Variants in DLC1 observed in about 807,000 individuals in gnomAD.
DLC1 encodes the protein DLC1 Rho GTPase activating protein, also known as rho GTPase-activating protein 7.
Under a neutral mutation model 140.3 loss-of-function variants are expected in DLC1, and 54 were observed. The observed-to-expected ratio is 0.38, with a 90% CI of 0.31 to 0.48. DLC1 has a LOEUF of 0.48. Among genes scored for constraint, DLC1 ranks in the 20% least tolerant of loss-of-function variants. DLC1 has a pLI of 0.96. For synonymous variants in DLC1, 986 were observed against 728.1 expected, an observed-to-expected ratio of 1.35 and a Z score of -5.70; for missense variants, 2,536 against 1,907.0, an observed-to-expected ratio of 1.33 and a Z score of -6.14.
upstream of DLC1, among the ~76,000 whole-genome samples, chr8:13,516,844 T>C (rs756438903): frequency 6.6e-6 from 1 of 152,180 alleles, no homozygotes; most frequent in Non-Finnish European, 1.5e-5. Flanking sequence ...ACAAATAAAG[T>C]ATTGAGAAGC....
chr8:13,267,398 C>A (rs1830730088), intron 5 of DLC1, among the ~76,000 whole-genome samples: 1 of 151,054 alleles, frequency 6.6e-6, no homozygotes, highest in African/African-American at 2.4e-5. Context: ...TAGTAATCAA[C>A]CATGAATGAA....
At chr8:13,390,780 G>T (rs1465180892) in intron 4 of DLC1, among the ~76,000 whole-genome samples, 1 of 152,130 alleles carries the variant, frequency 6.6e-6, no homozygotes, top group Non-Finnish European at 1.5e-5. Flanking sequence ...GAGGTTAGGA[G>T]ATCAAGACCA....
At chr8:13,562,066 A>C (rs1804263609) in intron 1 of DLC1, among the ~76,000 whole-genome samples, 1 of 152,172 alleles carries the variant, frequency 6.6e-6, no homozygotes, top group African/African-American at 2.4e-5. Context: ...GGGATTCTGC[A>C]CCTTGATTTT....
chr8:13,227,463 T>G (rs1374519650), intron 5 of DLC1, among the ~76,000 whole-genome samples: 2 of 152,174 alleles, frequency 1.3e-5, no homozygotes, highest in African/African-American at 4.8e-5. Context: ...GTGATTTGCC[T>G]AATACCACAC....
At chr8:13,582,790 G>A (rs1485569237) in intron 1 of DLC1, among the ~76,000 whole-genome samples, 1 of 147,960 alleles carries the variant, frequency 6.8e-6, no homozygotes, top group Non-Finnish European at 1.5e-5. Flanking sequence ...TAATACTTCA[G>A]TAATGCTAAT....
intron 2 of DLC1, among the ~76,000 whole-genome samples, chr8:13,425,544 A>G (rs959248082): frequency 1.3e-5 from 2 of 152,224 alleles, no homozygotes; most frequent in Non-Finnish European, 2.9e-5. Flanking sequence ...CCTGGGAGGC[A>G]GAGAGACTGT....
chr8:13,089,541 C>A (rs748715568), intron 15 of DLC1, among the ~76,000 whole-genome samples: 6 of 152,086 alleles, frequency 3.9e-5, no homozygotes, highest in Admixed American at 1.3e-4. Flanking sequence ...AAGAGAATAG[C>A]TTGAAACCGG....
chr8:13,191,752 A>T (rs986320735), intron 5 of DLC1, among the ~76,000 whole-genome samples: 1 of 152,100 alleles, frequency 6.6e-6, no homozygotes, highest in East Asian at 1.9e-4. Flanking sequence ...CCTGGTGTCC[A>T]GGCTGTGTGT....
At chr8:13,520,617 A>G (rs1046899839) in intron 1 of DLC1, among the ~76,000 whole-genome samples, 1 of 152,168 alleles carries the variant, frequency 6.6e-6, no homozygotes, top group Admixed American at 6.5e-5. Flanking sequence ...AACTTAAAGT[A>G]TAATTAAAAA....
intron 10 of DLC1, among the ~76,000 whole-genome samples, chr8:13,098,076 G>C (rs1348740996): frequency 2.1e-5 from 3 of 145,308 alleles, no homozygotes; most frequent in Non-Finnish European, 4.5e-5. Flanking sequence ...GGGTGTGGTG[G>C]AAAGCAACTG....
chr8:13,487,052 G>A (rs527759760), intron 2 of DLC1, among the ~76,000 whole-genome samples: 1 of 152,116 alleles, frequency 6.6e-6, no homozygotes, highest in African/African-American at 2.4e-5. Flanking sequence ...AGTCTGCTGC[G>A]GTTTCCTTTT....
intron 5 of DLC1, among the ~76,000 whole-genome samples, chr8:13,195,211 A>G (rs1826979289): frequency 6.6e-6 from 1 of 152,194 alleles, no homozygotes; most frequent in South Asian, 2.1e-4. Context: ...TTCTAATCCC[A>G]AATTTATCAC....
chr8:13,107,805 C>A (rs1434668697), intron 7 of DLC1, among the ~76,000 whole-genome samples: 1 of 152,136 alleles, frequency 6.6e-6, no homozygotes, highest in Non-Finnish European at 1.5e-5. Flanking sequence ...TAATCCCCAG[C>A]CCTTTGGGAG....
chr8:13,132,205 CTGTGTGTG>C (rs147699066), intron 5 of DLC1, among the ~76,000 whole-genome samples: 19,107 of 139,094 alleles, frequency 0.14, 1,327 homozygotes, highest in African/African-American at 0.15. Context: ...AAAACCAAAA[CTGTGTGTG>C]TGTGTGTGTG....
At chr8:13,442,861 C>T (rs560486966) in intron 2 of DLC1, among the ~76,000 whole-genome samples, 2 of 152,216 alleles carry the variant, frequency 1.3e-5, no homozygotes, top group Admixed American at 6.5e-5. Context: ...TGGGTGTATA[C>T]CAAAAGGATT....
intron 10 of DLC1, among the ~76,000 whole-genome samples, chr8:13,096,891 A>G (rs1281942361): frequency 1.3e-5 from 2 of 152,230 alleles, no homozygotes; most frequent in Admixed American, 6.5e-5. Context: ...CACTCAGATT[A>G]CTGAAAAGAC....
At chr8:13,363,397 G>T (rs1835333576) in intron 4 of DLC1, among the ~76,000 whole-genome samples, 2 of 144,842 alleles carry the variant, frequency 1.4e-5, no homozygotes. Flanking sequence ...TAAACTTTAT[G>T]GTGTCCATCA....
At chr8:13,354,625 A>G (rs17092007) in intron 4 of DLC1, among the ~76,000 whole-genome samples, 1,557 of 152,234 alleles carry the variant, frequency 0.01, 42 homozygotes, top group African/African-American at 0.035. Context: ...GCTCATTGGT[A>G]AAGTTCAGCT....
At chr8:13,565,149 C>T (rs905689025) in intron 1 of DLC1, among the ~76,000 whole-genome samples, 2 of 152,168 alleles carry the variant, frequency 1.3e-5, no homozygotes, top group African/African-American at 2.4e-5. Flanking sequence ...CTGGGTCACG[C>T]TGAATATTAC....
Sources: allele counts gnomAD v4.1 joint callset (sites outside exome capture counted in the v4.1 genomes callset), GRCh38; gene constraint gnomAD v4.1.1; transcripts MANE v1.5; gene names NCBI Gene and HGNC (gene_info 2026-07-23, HGNC 2026-07-21).